TARS1: variants seen among roughly 807,000 people sequenced by gnomAD.
The protein encoded by TARS1 is threonyl-tRNA synthetase 1, also known as threonine--tRNA ligase 1, cytoplasmic.
A neutral mutation model predicts 97.7 loss-of-function variants in TARS1; 57 were observed. The ratio of observed to expected loss-of-function variants is 0.58; its 90% CI spans 0.47 to 0.73. TARS1 has a LOEUF of 0.73. Among genes scored for constraint, TARS1 ranks in the 30% least tolerant of loss-of-function variants. TARS1 has a pLI of 0.00. For missense variants in TARS1, 806 were observed against 888.3 expected, an observed-to-expected ratio of 0.91 and a Z score of 1.18; for synonymous variants, 312 against 293.7, an observed-to-expected ratio of 1.06 and a Z score of -0.64.
rs756686852 is a variant in TARS1, at chr5:33,441,131, C to G, written c.45C>G (p.Gly15=). 1 of 1,614,010 alleles carries G rather than the reference C, an allele frequency of 6.2e-7. No homozygotes were observed. Among genetic ancestry groups the G allele is most frequent in the Non-Finnish European group, 8.5e-7 (1 of 1,180,026 alleles). ...GCAGTCCTTCAGGGAAGATGGGAGG[C>G]GAGGAGAAGCCGGTGAGCAAACTTG... The part of the protein sequence containing the change: ...KASSPSGKMG[G]EEKPIGAGEE... Residue 15 remains glycine (G), a synonymous_variant, in exon 1 of 19, where the codon GGC becomes GGG. Coordinates refer to ENST00000265112, the MANE Select transcript of TARS1 (RefSeq NM_152295.5).
chr5:33,443,320 CCTCTCTCTCT>C (rs769681224), intron 1 of TARS1, among the ~76,000 whole-genome samples: 8,225 of 118,492 alleles, frequency 0.069, 261 homozygotes, highest in African/African-American at 0.096. Context: ...TCTCTCTCTC[CCTCTCTCTCT>C]CTCTCTCTCT....
At chr5:33,440,957 C>T (rs1422322385), upstream of TARS1, 2 of 1,078,620 alleles carry the variant, frequency 1.9e-6, no homozygotes, top group East Asian at 2.5e-5. Flanking sequence ...GGGGTTAGGG[C>T]GCCTTTCGAT....
At chr5:33,459,202 A>C (rs1742175045) in intron 10 of TARS1, among the ~76,000 whole-genome samples, 1 of 152,130 alleles carries the variant, frequency 6.6e-6, no homozygotes, top group East Asian at 1.9e-4. Context: ...TATATCATAT[A>C]CCAGTTTTCT....
In TARS1 at chr5:33,461,929, G is replaced by A. The variant is rs3736393; in HGVS notation, c.1653G>A (p.Ala551=). The part of the protein sequence containing the change: ...GPKIDIQIKD[A]IGRYHQCATI... ...AGATTGACATACAGATTAAAGATGC[G>A]ATTGGGCGGTACCACCAGTGTGCAA... is the stretch of plus-strand genomic sequence containing the variant. Residue 551 remains alanine, a synonymous_variant, in exon 15 of 19, where the codon GCG becomes GCA. Transcript: ENST00000265112. 93,762 of 1,613,548 alleles carry A rather than the reference G, an allele frequency of 0.058. 4,557 individuals are homozygous for A. The highest frequency in any genetic ancestry group is 0.22 in the East Asian group (9,770 of 44,844).
At chr5:33,457,816 A>C (rs1441481056) in intron 9 of TARS1, among the ~76,000 whole-genome samples, 1 of 152,236 alleles carries the variant, frequency 6.6e-6, no homozygotes, top group Admixed American at 6.5e-5. Flanking sequence ...ATCCTGTGCT[A>C]TCATTTCCTC....
Position 33,445,328 on chromosome 5 carries a change from G to C in TARS1, c.62G>C (p.Gly21Ala). ...GKMGGEEKPI[G>A]AGEEKQKEGG... ...AAACGTTTTTTGCTTATTTAGATTG[G>C]TGCTGGTGAAGAGAAGCAAAAGGAA... is the stretch of plus-strand genomic sequence containing the variant. The change falls in exon 2 of 19, where the codon GGT (glycine) becomes GCT (alanine). Residue 21 changes from glycine to alanine, a missense_variant. By Grantham distance (60) the Gly-to-Ala change is moderately conservative (BLOSUM62 0). Around this residue, in one of 3 missense-constraint regions of TARS1, gnomAD observed 356 missense variants for 357.8 expected, o/e 0.99. Transcript: ENST00000265112. 2 of 1,611,472 alleles carry C rather than the reference G, an allele frequency of 1.2e-6. No individual in the cohort carries two copies. Among genetic ancestry groups the C allele is most frequent in the Middle Eastern group, 3.3e-4 (2 of 6,060 alleles).
At position 33,457,327 on chromosome 5, in the gene TARS1, C is replaced by G. The variant is rs1484274849; in HGVS notation, c.908C>G (p.Pro303Arg). The change falls in exon 9 of 19, where the codon CCA (proline) becomes CGA (arginine). Residue 303 changes from proline to arginine, a missense_variant. Physicochemically the swap from Pro to Arg is moderately radical, Grantham distance 103. This residue lies in a region of TARS1 where 4 missense variants were observed against 19.5 expected (regional missense o/e 0.20). Coordinates refer to ENST00000265112, the MANE Select transcript of TARS1 (RefSeq NM_152295.5). ...TLQRIYGISF[P>R]DPKMLKEWEK... ...CAGAGAATTTATGGCATTTCATTCC[C>G]AGATCCTAAAATGTTGAAAGAGTGG... 1 of 1,613,938 alleles carries G rather than the reference C, an allele frequency of 6.2e-7. No homozygotes were observed. The highest frequency in any genetic ancestry group is 1.3e-5 in the African/African-American group (1 of 74,898).
rs141834303 is a variant in TARS1 at position 33,467,679 on chromosome 5, C to T, written c.2143C>T (p.Arg715Cys). The stretch of plus-strand genomic sequence containing the variant: ...GCGGCTACAGCAGCTCAAAGAGTTC[C>T]GCAGCAAACAGGCAGAAGAAGAATT... ...IERLQQLKEF[R>C]SKQAEEEF Residue 715 changes from arginine to cysteine, a missense_variant, in exon 19 of 19, where the codon CGC becomes TGC. Physicochemically the swap from Arg to Cys is radical, Grantham distance 180. Coordinates refer to ENST00000265112, the MANE Select transcript of TARS1 (RefSeq NM_152295.5). 1.3e-5 allele frequency: 21 copies of T among 1,612,546 alleles called. No homozygotes were observed. The highest frequency in any genetic ancestry group is 6.7e-5 in the East Asian group (3 of 44,788).
chr5:33,458,566 G>T lies in TARS1; in HGVS notation c.985G>T (p.Asp329Tyr). The change falls in exon 10 of 19, where the codon GAC (aspartate) becomes TAC (tyrosine). Residue 329 changes from aspartate (D) to tyrosine (Y), a missense_variant and splice_region_variant. By Grantham distance (160) the Asp-to-Tyr change is radical (BLOSUM62 -3). Coordinates refer to ENST00000265112, the MANE Select transcript of TARS1 (RefSeq NM_152295.5). Reference sequence around the variant, plus strand: ...ATTCTTTTGCTTTTCTTTTACCCAGGACCAAGAACTATATTTCTTTCATGA... The same window carrying T: ...ATTCTTTTGCTTTTCTTTTACCCAGTACCAAGAACTATATTTCTTTCATGA... ...KNRDHRKIGR[D>Y]QELYFFHELS... The T allele has an allele frequency of 6.2e-7, 1 of 1,611,672 alleles. No homozygotes were observed. Among genetic ancestry groups the T allele is most frequent in the South Asian group, 1.1e-5 (1 of 90,574 alleles).
intron 3 of TARS1, among the ~76,000 whole-genome samples, chr5:33,451,444 G>A (rs1159320588): frequency 1.3e-5 from 2 of 148,402 alleles, no homozygotes; most frequent in African/African-American, 4.9e-5. Context: ...GCGCCATCTT[G>A]GCTCACTGCA....
At chr5:33,445,611 C>T (rs951464321) in intron 2 of TARS1, among the ~76,000 whole-genome samples, 6 of 152,186 alleles carry the variant, frequency 3.9e-5, no homozygotes, top group African/African-American at 1.4e-4. Context: ...AAGGAAGCAA[C>T]TGGCGTATGA....
At chr5:33,442,648 G>A (rs1741168897) in intron 1 of TARS1, among the ~76,000 whole-genome samples, 1 of 152,090 alleles carries the variant, frequency 6.6e-6, no homozygotes, top group African/African-American at 2.4e-5. Context: ...CCATTCTCCT[G>A]CCTCAGCCAC....
Position 33,449,445 on chromosome 5 carries a change from C to CTTTTTTTTTTTTTT in TARS1, c.329+726_329+739dup, listed in dbSNP as rs57691465. Among the ~76,000 whole-genome samples, 40 of 69,140 alleles carry CTTTTTTTTTTTTTT rather than the reference C, an allele frequency of 5.8e-4. 1 individual carries two copies. The highest frequency in any genetic ancestry group is 1.5e-3 in the South Asian group (2 of 1,356). The allele number at this position is 69,140 out of a possible 152,430, so 45.4% of individuals were successfully genotyped here. A position where few individuals can be genotyped will look rare whatever the true frequency, so the allele number is the denominator to read the frequency against. On this transcript the variant is annotated intron_variant, in intron 3 of 18. Transcript: ENST00000265112. ...AATAAAAATGATTCTTTTTTTCTTT[C>CTTTTTTTTTTTTTT]TTTTTTTTTTTTTTTTTTTTTTTTT...
intron 1 of TARS1, among the ~76,000 whole-genome samples, chr5:33,443,331 CTCT>C (rs1741227939): frequency 9.5e-6 from 1 of 105,292 alleles, no homozygotes; most frequent in Admixed American, 8.5e-5. Flanking sequence ...CTCTCTCTCT[CTCT>C]CTCTCTCTCT....
rs548981041 is a variant in TARS1, at chr5:33,467,631, C to T, written c.2095C>T (p.Arg699Cys). 26 of 1,613,892 alleles carry T rather than the reference C, an allele frequency of 1.6e-5. No individual in the cohort carries two copies. The East Asian group carries it at 3.6e-4, about 22-fold the overall frequency. Reference protein sequence around the residue: ...RTRDNKVHGERTISETIERLQ... With the variant: ...RTRDNKVHGECTISETIERLQ... The stretch of plus-strand genomic sequence containing the variant: ...AAGAGACAATAAGGTCCACGGGGAA[C>T]GCACCATTTCTGAAACTATCGAGCG... The change falls in exon 19 of 19, where the codon CGC becomes TGC. Residue 699 changes from arginine (R) to cysteine (C), a missense_variant. Around this residue, in one of 3 missense-constraint regions of TARS1, gnomAD observed 446 missense variants for 511.0 expected, o/e 0.87. Coordinates refer to ENST00000265112, the MANE Select transcript of TARS1 (RefSeq NM_152295.5).
At chr5:33,441,252 G>A in intron 1 of TARS1, 109 bp downstream of exon 1, 1 of 1,366,532 alleles carries the variant, frequency 7.3e-7, no homozygotes, top group Non-Finnish European at 1.0e-6. Context: ...CCGGGACCGC[G>A]TGGGTCGGAG....
chr5:33,453,199 A>C, intron 3 of TARS1, 90 bp from the exon 4 acceptor site: 1 of 1,315,790 alleles, frequency 7.6e-7, no homozygotes. Context: ...AACAATATAT[A>C]ATAAAAATAG....
At chr5:33,448,863 C>A in intron 3 of TARS1, 132 bp downstream of exon 3, 1 of 724,516 alleles carries the variant, frequency 1.4e-6, no homozygotes, top group Non-Finnish European at 2.0e-6. Flanking sequence ...TTAATTTTGC[C>A]TACTTGAGAT....
rs572306334 is a variant in TARS1, at chr5:33,451,417, C to T, written c.330-1872C>T. Among the ~76,000 whole-genome samples the T allele has an allele frequency of 5.9e-3, 896 of 151,162 alleles. 8 individuals carry two copies. Among genetic ancestry groups the T allele is most frequent in the South Asian group, 7.3e-3 (35 of 4,774 alleles). On this transcript the variant is annotated intron_variant, in intron 3 of 18. Coordinates refer to ENST00000265112, the MANE Select transcript of TARS1 (RefSeq NM_152295.5). ...GACGGAGGAGTCTCGCTCTGTCGCC[C>T]AGGCTGGAGTGCATTGGCGCCATCT...
Sources: allele counts gnomAD v4.1 joint callset (sites outside exome capture counted in the v4.1 genomes callset), GRCh38; gene constraint gnomAD v4.1.1; regional missense constraint gnomAD v4.1.1; transcripts MANE v1.5; gene names NCBI Gene and HGNC (gene_info 2026-07-23, HGNC 2026-07-21).